The following ANKRD22 variants were observed in gnomAD, a reference collection of about 807,000 sequenced individuals.
The protein encoded by ANKRD22 is ankyrin repeat domain-containing protein 22.
ANKRD22 carries 24 observed loss-of-function variants against 25.7 expected under a neutral mutation model. The observed-to-expected ratio is 0.93, with a 90% CI of 0.68 to 1.31. The LOEUF is 1.31. Among genes scored for constraint, ANKRD22 ranks in the 50% most tolerant of loss-of-function variants. The probability of loss-of-function intolerance (pLI) is 0.00; values close to 1 mark genes in which losing one functional copy is unlikely to be tolerated. For missense variants in ANKRD22, 214 were observed against 227.1 expected, an observed-to-expected ratio of 0.94 and a Z score of 0.37; for synonymous variants, 84 against 84.3, an observed-to-expected ratio of 1.00 and a Z score of 0.02.
chr10:88,849,321 C>G (rs1844082561), intron 1 of ANKRD22, among the ~76,000 whole-genome samples: 1 of 152,106 alleles, frequency 6.6e-6, no homozygotes, highest in Non-Finnish European at 1.5e-5. Context: ...ATTTAGTTTA[C>G]TCATTCTTTC....
In ANKRD22 at chr10:88,820,396, C is replaced by T. The variant is rs1843774634; in HGVS notation, c.*2545G>A. On this transcript the variant is annotated 3_prime_UTR_variant, in exon 6 of 6. Coordinates refer to ENST00000371930, the MANE Select transcript of ANKRD22 (RefSeq NM_144590.3). ...TTCCTGAATGGGCTCACGTGGATTT[C>T]ATCTGGGGTTTGGATGCTCCTCACC... 3 of 1,552,124 alleles carry T rather than the reference C, an allele frequency of 1.9e-6. No individual in the cohort carries two copies. In the African/African-American group the frequency reaches 4.1e-5, roughly 21 times the overall value.
chr10:88,826,123 A>G lies in ANKRD22; in HGVS notation c.322-8T>C. On this transcript the variant is annotated splice_polypyrimidine_tract_variant and splice_region_variant and intron_variant, in intron 3 of 5. Coordinates refer to ENST00000371930, the MANE Select transcript of ANKRD22 (RefSeq NM_144590.3). ...CTGCTTTGTCTTTGATACCTATTAC[A>G]AATGGTAATTATAAGAAAGGCTTAT... The G allele has an allele frequency of 6.3e-7, 1 of 1,598,506 alleles. No individual in the cohort carries two copies. Among genetic ancestry groups the G allele is most frequent in the Non-Finnish European group, 8.5e-7 (1 of 1,170,050 alleles).
chr10:88,838,562 T>C (rs987953820), intron 1 of ANKRD22, among the ~76,000 whole-genome samples: 18 of 152,102 alleles, frequency 1.2e-4, no homozygotes, highest in African/African-American at 4.8e-5. Context: ...GGTGGCCTTG[T>C]TGGGTATCTG....
At chr10:88,843,669 A>T (rs1169025320) in intron 1 of ANKRD22, among the ~76,000 whole-genome samples, 2 of 152,180 alleles carry the variant, frequency 1.3e-5, no homozygotes, top group Non-Finnish European at 2.9e-5. Flanking sequence ...TGACCATTAA[A>T]GGCAGGAAAG....
chr10:88,825,009 T>TCACACACACACA (rs771803296), intron 4 of ANKRD22, among the ~76,000 whole-genome samples: 26 of 132,926 alleles, frequency 2.0e-4, no homozygotes, highest in Middle Eastern at 3.8e-3. Flanking sequence ...TCTCTCTCTC[T>TCACACACACACA]CTCACACACA....
In ANKRD22 at chr10:88,828,571, C is replaced by A. The variant is rs1471138765; in HGVS notation, c.309G>T (p.Gly103=). 1.9e-6 allele frequency: 3 copies of A among 1,604,192 alleles called. No individual in the cohort carries two copies. The highest frequency in any genetic ancestry group is 1.7e-6 in the Non-Finnish European group (2 of 1,172,602). Residue 103 remains glycine (G), a synonymous_variant, in exon 3 of 6, where the codon GGG becomes GGT. Transcript: ENST00000371930. ...IILLMPVLLI[G]YFLMVSKTKQ... ...GTGTTGTACTCACCATGAGGAAATA[C>A]CCAATAAGCAGAACAGGCATTAAGA... is the stretch of plus-strand genomic sequence containing the variant.
chr10:88,843,877 G>A (rs1164466384), intron 1 of ANKRD22, among the ~76,000 whole-genome samples: 3 of 152,060 alleles, frequency 2.0e-5, no homozygotes, highest in Admixed American at 1.3e-4. Flanking sequence ...TTATTAAACC[G>A]ACATTTAGGT....
intron 1 of ANKRD22, among the ~76,000 whole-genome samples, chr10:88,846,130 A>G (rs1056990687): frequency 2.0e-5 from 3 of 151,964 alleles, no homozygotes; most frequent in Non-Finnish European, 4.4e-5. Context: ...TTTTTTGCGT[A>G]TGTATGGTCA....
chr10:88,850,053 G>A (rs1806021823), intron 1 of ANKRD22, among the ~76,000 whole-genome samples: 1 of 150,910 alleles, frequency 6.6e-6, no homozygotes, highest in Admixed American at 6.6e-5. Flanking sequence ...ATAGGACCAG[G>A]GATCCAGCAG....
intron 1 of ANKRD22, among the ~76,000 whole-genome samples, chr10:88,842,644 T>C (rs1373031322): frequency 8.5e-5 from 13 of 152,170 alleles, no homozygotes; most frequent in Non-Finnish European, 2.9e-5. Flanking sequence ...TATCATGTTA[T>C]ACGACAAACC....
chr10:88,850,874 A>G (rs1844097920), intron 1 of ANKRD22, among the ~76,000 whole-genome samples: 1 of 152,138 alleles, frequency 6.6e-6, no homozygotes, highest in African/African-American at 2.4e-5. Flanking sequence ...AATGAAATGC[A>G]GATTAACCAG....
rs11202862 is a variant in ANKRD22 at position 88,820,481 on chromosome 10, C to T, written c.*2460G>A. On this transcript the variant is annotated 3_prime_UTR_variant, in exon 6 of 6. Coordinates refer to ENST00000371930, the MANE Select transcript of ANKRD22 (RefSeq NM_144590.3). ...GGAGGAGACCAACCTTTCCCAGGGA[C>T]GGTGTGAGGCCGTATTGTGAAGCAT... The T allele has an allele frequency of 5.9e-3, 9,113 of 1,551,048 alleles. 467 individuals carry two copies. The African/African-American group carries it at 0.1, about 18-fold the overall frequency.
Position 88,832,009 on chromosome 10 carries a change from G to A in ANKRD22, c.39C>T (p.Ala13=). Residue 13 remains alanine, a synonymous_variant, in exon 2 of 6, where the codon GCC becomes GCT. Transcript: ENST00000371930. Reference sequence around the variant, plus strand: ...ACACTTGTCCAAAGTCATTCTGATAGGCTGCTTGGCAGATGGGCTGGGTCG... The same window carrying A: ...ACACTTGTCCAAAGTCATTCTGATAAGCTGCTTGGCAGATGGGCTGGGTCG... ...ILYSEPICQA[A]YQNDFGQVWR... 4.4e-6 allele frequency: 7 copies of A among 1,608,886 alleles called. No homozygotes were observed. Among genetic ancestry groups the A allele is most frequent in the Non-Finnish European group, 5.9e-6 (7 of 1,178,234 alleles).
At chr10:88,828,125 T>A (rs1006340257) in intron 3 of ANKRD22, among the ~76,000 whole-genome samples, 2 of 152,240 alleles carry the variant, frequency 1.3e-5, no homozygotes, top group African/African-American at 4.8e-5. Context: ...TGTCAGCTTC[T>A]GGATGCAAAC....
In ANKRD22 at chr10:88,820,196, T is replaced by C. The variant is rs1843770395; in HGVS notation, c.*2745A>G. Reference sequence around the variant, plus strand: ...TAAATTATGAGCCTGAAAGTCCAAATGTTACCTAGAGTTAAGAACTATTCC... The same window carrying C: ...TAAATTATGAGCCTGAAAGTCCAAACGTTACCTAGAGTTAAGAACTATTCC... On this transcript the variant is annotated 3_prime_UTR_variant, in exon 6 of 6. Coordinates refer to ENST00000371930, the MANE Select transcript of ANKRD22 (RefSeq NM_144590.3). The C allele has an allele frequency of 6.7e-7, 1 of 1,498,802 alleles. No homozygotes were observed. The highest frequency in any genetic ancestry group is 8.9e-7 in the Non-Finnish European group (1 of 1,119,742). The allele number at this position is 1,498,802 out of a possible 1,614,324, so 92.8% of individuals were successfully genotyped here. A position where few individuals can be genotyped will look rare whatever the true frequency, so the allele number is the denominator to read the frequency against.
At chr10:88,825,003 T>TCACA (rs1429940409) in intron 4 of ANKRD22, among the ~76,000 whole-genome samples, 8,578 of 90,504 alleles carry the variant, frequency 0.095, 272 homozygotes, top group Non-Finnish European at 0.11. Context: ...TCTCTCTCTC[T>TCACA]CTCTCTCTCA....
At position 88,832,003 on chromosome 10, in the gene ANKRD22, CT is replaced by C. The variant is rs1434446691; in HGVS notation, c.44del (p.Gln15ArgfsTer11). ...YSEPICQAAY[Q>X]NDFGQVWRWV... ...ACCGCCACACTTGTCCAAAGTCATT[CT>C]GATAGGCTGCTTGGCAGATGGGCTG... On this transcript the variant is annotated frameshift_variant, in exon 2 of 6. Transcript: ENST00000371930. LOFTEE classifies it high-confidence loss of function. The C allele has an allele frequency of 1.2e-6, 2 of 1,611,314 alleles. No homozygotes were observed. Among genetic ancestry groups the C allele is most frequent in the Non-Finnish European group, 1.7e-6 (2 of 1,179,024 alleles).
Position 88,822,867 on chromosome 10 carries a change from G to A in ANKRD22, c.*74C>T. On this transcript the variant is annotated 3_prime_UTR_variant, in exon 6 of 6. Transcript: ENST00000371930. ...TGGCATCCAGGTTAAATGGCCCACAGACCAAAAGTCTAAAATGAAGATAGA... is the reference window on the plus strand; with the variant it reads ...TGGCATCCAGGTTAAATGGCCCACAAACCAAAAGTCTAAAATGAAGATAGA... The A allele has an allele frequency of 7.1e-7, 1 of 1,400,132 alleles. No individual in the cohort carries two copies. The highest frequency in any genetic ancestry group is 1.2e-5 in the South Asian group (1 of 82,370). 86.7% of individuals were successfully genotyped at this position (1,400,132 alleles called of 1,614,324 possible).
At chr10:88,846,633 A>T (rs1844051534) in intron 1 of ANKRD22, among the ~76,000 whole-genome samples, 1 of 152,182 alleles carries the variant, frequency 6.6e-6, no homozygotes, top group South Asian at 2.1e-4. Context: ...ATGATAATGG[A>T]CTAGTAAGAA....
Sources: allele counts gnomAD v4.1 joint callset (sites outside exome capture counted in the v4.1 genomes callset), GRCh38; gene constraint gnomAD v4.1.1; transcripts MANE v1.5; gene names NCBI Gene and HGNC (gene_info 2026-07-23, HGNC 2026-07-21).